Variants in ADGRG2 observed in about 807,000 individuals in gnomAD.
ADGRG2 encodes the protein G protein-coupled receptor 64.
A neutral mutation model predicts 74.1 loss-of-function variants in ADGRG2; 26 were observed. That is an observed-to-expected ratio of 0.35 (90% CI 0.26 to 0.49). The LOEUF is 0.49. Ranked by LOEUF, ADGRG2 falls within the 20% of genes least tolerant of loss-of-function variation. The pLI is 0.99. For missense variants in ADGRG2, 619 were observed against 763.1 expected (o/e 0.81, Z 2.22); for synonymous variants, 296 against 295.2 (o/e 1.00, Z -0.03).
intron 1 of ADGRG2, among the ~76,000 whole-genome samples, chrX:19,117,945 A>G (rs753301953): frequency 1.5e-3 from 156 of 107,401 alleles, no homozygotes; most frequent in African/African-American, 4.5e-3. Flanking sequence ...TTCAATGGGA[A>G]AAAAAAAAAA....
chrX:18,993,532 T>A (rs928993685), intron 28 of ADGRG2, among the ~76,000 whole-genome samples: 2 of 104,542 alleles, frequency 1.9e-5, no homozygotes, highest in Non-Finnish European at 3.9e-5. Context: ...AAAAAAAAAA[T>A]TAGCCAGCCA....
chrX:18,999,194 T>A lies in ADGRG2; in HGVS notation c.2416A>T (p.Ile806Phe), dbSNP rs1479652087. 5.8e-6 allele frequency: 7 copies of A among 1,206,335 alleles called. No individual in the cohort carries two copies. Among genetic ancestry groups the A allele is most frequent in the Non-Finnish European group, 7.9e-6 (7 of 890,937 alleles). ...CGACAGAGCTGAACCAGGACCACAA[T>A]GAACATGCTGACGTTCAGCAAAAAT... is the stretch of plus-strand genomic sequence containing the variant. Reference protein sequence around the residue: ...VIFLLNVSMFIVVLVQLCRIK... With the variant: ...VIFLLNVSMFFVVLVQLCRIK... The change falls in exon 26 of 29, where the codon ATT (isoleucine) becomes TTT (phenylalanine). Residue 806 changes from isoleucine (I) to phenylalanine (F), a missense_variant. Ile to Phe is a conservative substitution (Grantham distance 21). Coordinates refer to ENST00000379869, the MANE Select transcript of ADGRG2 (RefSeq NM_001079858.3).
chrX:19,036,826 C>G (rs956951895), intron 6 of ADGRG2, among the ~76,000 whole-genome samples: 2 of 111,188 alleles, frequency 1.8e-5, no homozygotes, highest in African/African-American at 6.5e-5. Context: ...CCTTAGCCAC[C>G]AACCATATGG....
intron 6 of ADGRG2, among the ~76,000 whole-genome samples, chrX:19,036,636 C>G (rs1322023652): frequency 1.8e-5 from 2 of 110,079 alleles, no homozygotes; most frequent in East Asian, 5.6e-4. Context: ...CACACACACA[C>G]ACACACACAC....
At chrX:19,000,030 G>T in intron 24 of ADGRG2, 70 bp from the exon 25 acceptor site, 1 of 563,354 alleles carries the variant, frequency 1.8e-6, no homozygotes, top group African/African-American at 2.6e-5. Context: ...TTCTTGCTCT[G>T]TCACCCAGGC....
At chrX:19,066,871 C>T (rs1366922236) in intron 3 of ADGRG2, among the ~76,000 whole-genome samples, 1 of 111,391 alleles carries the variant, frequency 9.0e-6, no homozygotes, top group Non-Finnish European at 1.9e-5. Flanking sequence ...CCATGAACTT[C>T]TAAAGATCCC....
intron 1 of ADGRG2, among the ~76,000 whole-genome samples, chrX:19,121,368 C>T (rs2147106688): frequency 8.9e-6 from 1 of 111,834 alleles, no homozygotes; most frequent in African/African-American, 3.3e-5. Context: ...ATCAATCTGT[C>T]TTTGTCAGTT....
At chrX:19,003,172 T>C in intron 23 of ADGRG2, 58 bp from the exon 24 acceptor site, 1 of 989,804 alleles carries the variant, frequency 1.0e-6, no homozygotes. Flanking sequence ...CCTCCAACTT[T>C]TTTTTGGTTT....
At chrX:19,016,285 C>A (rs1162937311) in intron 15 of ADGRG2, among the ~76,000 whole-genome samples, 1 of 111,405 alleles carries the variant, frequency 9.0e-6, no homozygotes, top group East Asian at 2.8e-4. Context: ...TAGAAGGCCA[C>A]CTTGACACAT....
At chrX:19,035,464 G>A (rs973580840) in intron 7 of ADGRG2, 1 of 111,887 alleles carries the variant, frequency 8.9e-6, no homozygotes, top group African/African-American at 3.2e-5. Flanking sequence ...TACTTCTAAC[G>A]TAATATTAAG....
At chrX:19,086,073 A>C (rs765268884) in intron 1 of ADGRG2, among the ~76,000 whole-genome samples, 95 of 111,584 alleles carry the variant, frequency 8.5e-4, no homozygotes, top group Non-Finnish European at 4.5e-4. Flanking sequence ...CAAGGCCTCA[A>C]CTTCATTAAA....
At chrX:19,105,850 C>T (rs2062276981) in intron 1 of ADGRG2, among the ~76,000 whole-genome samples, 1 of 101,106 alleles carries the variant, frequency 9.9e-6, no homozygotes, top group Non-Finnish European at 2.0e-5. Context: ...ATCACTTGAA[C>T]CTGGGAGGCG....
chrX:19,001,470 C>CGCTT (rs1569359897), intron 24 of ADGRG2, among the ~76,000 whole-genome samples: 2 of 111,539 alleles, frequency 1.8e-5, no homozygotes, highest in African/African-American at 6.5e-5. Flanking sequence ...AATGCCTTTG[C>CGCTT]GCTTGTACCT....
At chrX:19,085,521 G>A (rs184276764) in intron 1 of ADGRG2, among the ~76,000 whole-genome samples, 4 of 110,539 alleles carry the variant, frequency 3.6e-5, no homozygotes, top group East Asian at 2.9e-4. Flanking sequence ...TAGAGATGGG[G>A]TCTCACCATG....
At chrX:19,111,794 G>A (rs1026703955) in intron 1 of ADGRG2, among the ~76,000 whole-genome samples, 3 of 111,114 alleles carry the variant, frequency 2.7e-5, no homozygotes, top group Non-Finnish European at 5.7e-5. Flanking sequence ...AGTTCATTAG[G>A]CAGAAAAGAG....
chrX:19,043,827 G>A (rs780274984), intron 3 of ADGRG2, among the ~76,000 whole-genome samples: 11 of 108,464 alleles, frequency 1.0e-4, no homozygotes, highest in Non-Finnish European at 1.7e-4. Context: ...AGTGTGGTTC[G>A]AGCACTGCCA....
rs773542537 is a variant in ADGRG2 at position 19,075,212 on chromosome X, AAG to A, written c.-1-6379_-1-6378del. On this transcript the variant is annotated intron_variant, in intron 2 of 28. Coordinates refer to ENST00000379869, the MANE Select transcript of ADGRG2 (RefSeq NM_001079858.3). ...AAGAATCTCAATCAAAAGAAATAAA[AAG>A]AGATCTACACCTAGATACATCATAG... 7.4e-4 allele frequency among the ~76,000 whole-genome samples: 49 copies of A among 66,082 alleles called. 1 individual carries two copies. Among genetic ancestry groups the A allele is most frequent in the Admixed American group, 6.6e-3 (41 of 6,189 alleles). 57.4% of individuals were successfully genotyped at this position (66,082 alleles called of 115,157 possible).
intron 3 of ADGRG2, among the ~76,000 whole-genome samples, chrX:19,065,261 C>CAAAAAAAAAAAAAAAAAAAAAAAAATA (rs749063279): frequency 9.0e-5 from 1 of 11,145 alleles, no homozygotes; most frequent in Non-Finnish European, 1.8e-4. Flanking sequence ...GATCCTGTCT[C>CAAAAAAAAAAAAAAAAAAAAAAAAATA]AAAAAAAAAA....
chrX:19,050,396 C>G (rs927069296), intron 3 of ADGRG2, among the ~76,000 whole-genome samples: 10 of 111,777 alleles, frequency 8.9e-5, no homozygotes, highest in Non-Finnish European at 1.9e-5. Context: ...CAGAGGCAGA[C>G]AGAAGTCTGC....
Sources: allele counts gnomAD v4.1 joint callset (sites outside exome capture counted in the v4.1 genomes callset), GRCh38; gene constraint gnomAD v4.1.1; transcripts MANE v1.5; gene names NCBI Gene and HGNC (gene_info 2026-07-23, HGNC 2026-07-21).